Variants in PCDHA4 observed in about 807,000 individuals in gnomAD.
PCDHA4 encodes the protein protocadherin alpha-4.
In PCDHA4, 49 loss-of-function variants were observed where a neutral mutation model predicts 61.4. That is an observed-to-expected ratio of 0.80 (90% CI 0.63 to 1.01). The LOEUF is 1.01. PCDHA4 is among the 50% of genes least tolerant of loss of function. PCDHA4 has a pLI of 0.00. For synonymous variants in PCDHA4, 590 were observed against 550.3 expected (o/e 1.07, Z -1.01); for missense variants, 1,254 against 1,235.8 (o/e 1.01, Z -0.22).
intron 1 of PCDHA4, among the ~76,000 whole-genome samples, chr5:140,919,973 A>T (rs1554199334): frequency 7.5e-6 from 1 of 133,994 alleles, no homozygotes; most frequent in Non-Finnish European, 1.7e-5. Context: ...TAAATAAGAG[A>T]TAGAAGATGG....
chr5:140,979,585 G>T (rs1486792990), intron 2 of PCDHA4, among the ~76,000 whole-genome samples: 1 of 152,156 alleles, frequency 6.6e-6, no homozygotes, highest in Non-Finnish European at 1.5e-5. Context: ...TCCAAATCTA[G>T]CTTACTTTAA....
intron 1 of PCDHA4, chr5:140,869,243 G>T (rs1554162716): frequency 1.9e-6 from 3 of 1,613,544 alleles, no homozygotes; most frequent in Non-Finnish European, 2.5e-6. Context: ...TTCGTGGGCC[G>T]CATCGCGCAG....
intron 1 of PCDHA4, among the ~76,000 whole-genome samples, chr5:140,950,920 T>TTTCTGCTACTTTTAACTG (rs1554219690): frequency 2.6e-5 from 4 of 152,202 alleles, no homozygotes; most frequent in African/African-American, 9.6e-5. Context: ...TTATTTCAGT[T>TTTCTGCTACTTTTAACTG]CTTTTTCTTT....
At chr5:140,939,973 A>G (rs782675791) in intron 1 of PCDHA4, among the ~76,000 whole-genome samples, 4 of 152,234 alleles carry the variant, frequency 2.6e-5, no homozygotes, top group Non-Finnish European at 4.4e-5. Flanking sequence ...TCCACGATGA[A>G]TAGTGAATTG....
At chr5:140,901,485 C>T (rs894282962) in intron 1 of PCDHA4, among the ~76,000 whole-genome samples, 1 of 152,086 alleles carries the variant, frequency 6.6e-6, no homozygotes, top group African/African-American at 2.4e-5. Context: ...GTTCTTGGCA[C>T]CTTCATCGAA....
In PCDHA4 at chr5:140,857,691, T is replaced by A. The variant is rs189067845; in HGVS notation, c.2385+48119T>A. ...GGCGTGCCGCCTCTGGGCAGCAACTTGACGCTGCAGGTGTTCGTGCTGGAC... is the reference window on the plus strand; with the variant it reads ...GGCGTGCCGCCTCTGGGCAGCAACTAGACGCTGCAGGTGTTCGTGCTGGAC... On this transcript the variant is annotated intron_variant, in intron 1 of 3. Coordinates refer to ENST00000530339, the MANE Select transcript of PCDHA4 (RefSeq NM_018907.4). 1.9e-6 allele frequency: 3 copies of A among 1,597,120 alleles called. 1 individual carries two copies. The highest frequency in any genetic ancestry group is 2.6e-6 in the Non-Finnish European group (3 of 1,167,726).
At chr5:140,821,582 C>G (rs2150109914) in intron 1 of PCDHA4, 2 of 622,440 alleles carry the variant, frequency 3.2e-6, no homozygotes, top group East Asian at 2.9e-5. Flanking sequence ...AGGTTTTTCT[C>G]CCTTCCCAGC....
At chr5:140,815,530 T>C (rs1166170881) in intron 1 of PCDHA4, 1 of 102,342 alleles carries the variant, frequency 9.8e-6, no homozygotes, top group Non-Finnish European at 2.0e-5. Context: ...TTATATTGTG[T>C]ATACATTATT....
chr5:140,966,586 TG>T (rs1297938804), intron 1 of PCDHA4: 39 of 548,908 alleles, frequency 7.1e-5, no homozygotes, highest in Non-Finnish European at 1.1e-4. Flanking sequence ...GCGAGGACGG[TG>T]GGGCCAGGAG....
chr5:140,849,830 G>T lies in PCDHA4; in HGVS notation c.2385+40258G>T. The T allele has an allele frequency of 1.3e-6, 2 of 1,598,574 alleles. 1 individual carries two copies. Among genetic ancestry groups the T allele is most frequent in the Admixed American group, 3.4e-5 (2 of 59,342 alleles). On this transcript the variant is annotated intron_variant, in intron 1 of 3. Coordinates refer to ENST00000530339, the MANE Select transcript of PCDHA4 (RefSeq NM_018907.4). ...CCACGGCCAGGGTGTCTGTGGAGGT[G>T]GCCGACGTGAACGACAACGCACCAG...
At chr5:141,006,077 T>C (rs1554260547) in intron 3 of PCDHA4, among the ~76,000 whole-genome samples, 1 of 150,908 alleles carries the variant, frequency 6.6e-6, no homozygotes, top group East Asian at 1.9e-4. Flanking sequence ...ATCAGATTAT[T>C]GAAGGGACTT....
intron 1 of PCDHA4, chr5:140,821,687 T>C: frequency 1.5e-6 from 2 of 1,378,436 alleles, no homozygotes; most frequent in Non-Finnish European, 2.0e-6. Flanking sequence ...GGCGATAATA[T>C]AAAAAATATA....
rs561828077 is a variant in PCDHA4 at position 140,908,632 on chromosome 5, C to T, written c.2386-70317C>T. On this transcript the variant is annotated intron_variant, in intron 1 of 3. Transcript: ENST00000530339. ...TGCTCCAAAATCCTTGAGGTCTCCA[C>T]TGTGATTCACTTATGGGGGCCTGCC... Among the ~76,000 whole-genome samples the T allele has an allele frequency of 9.8e-5, 15 of 152,318 alleles. No individual in the cohort carries two copies. In the East Asian group the frequency reaches 2.9e-3, roughly 29 times the overall value.
chr5:140,891,440 G>T (rs1583052190), intron 1 of PCDHA4, among the ~76,000 whole-genome samples: 1 of 147,558 alleles, frequency 6.8e-6, no homozygotes, highest in Admixed American at 6.9e-5. Flanking sequence ...AACGTCCATT[G>T]TATAGGATTT....
chr5:140,979,797 C>T (rs1253949980), intron 2 of PCDHA4, among the ~76,000 whole-genome samples: 1 of 152,154 alleles, frequency 6.6e-6, no homozygotes, highest in African/African-American at 2.4e-5. Flanking sequence ...AACAAATGAT[C>T]ACAACTATCA....
rs1013042375 is a variant in PCDHA4 at position 140,823,776 on chromosome 5, G to C, written c.2385+14204G>C. The C allele has an allele frequency of 3.1e-6, 5 of 1,613,732 alleles. No homozygotes were observed. The African/African-American group carries it at 6.7e-5, about 22-fold the overall frequency. ...CAGCCACAGCCACAGTGCTGGTGTC[G>C]CTGGTGGAAAGTGGCCAGGCGCCGA... On this transcript the variant is annotated intron_variant, in intron 1 of 3. Coordinates refer to ENST00000530339, the MANE Select transcript of PCDHA4 (RefSeq NM_018907.4).
chr5:140,928,771 A>G lies in PCDHA4; in HGVS notation c.2386-50178A>G, dbSNP rs1554206294. 2 of 1,613,880 alleles carry G rather than the reference A, an allele frequency of 1.2e-6. No individual in the cohort carries two copies. Among genetic ancestry groups the G allele is most frequent in the East Asian group, 2.2e-5 (1 of 44,892 alleles). ...CCGTACTGCTCGCTTAGTTCTTCCC[A>G]CTGATGCAGTTAAGCAGAGGGTGGT... On this transcript the variant is annotated intron_variant, in intron 1 of 3. Coordinates refer to ENST00000530339, the MANE Select transcript of PCDHA4 (RefSeq NM_018907.4).
At position 140,844,439 on chromosome 5, in the gene PCDHA4, C is replaced by T. The variant is rs1554140649; in HGVS notation, c.2385+34867C>T. Among the ~76,000 whole-genome samples, 3 of 149,204 alleles carry T rather than the reference C, an allele frequency of 2.0e-5. 1 individual carries two copies. Among genetic ancestry groups the T allele is most frequent in the African/African-American group, 7.4e-5 (3 of 40,780 alleles). ...TGTTTTTTATTCTACATGATTTTTA[C>T]AGTTGTATTGTCGCCAACTTAACAT... On this transcript the variant is annotated intron_variant, in intron 1 of 3. Coordinates refer to ENST00000530339, the MANE Select transcript of PCDHA4 (RefSeq NM_018907.4).
At chr5:140,882,646 T>C (rs1554175002) in intron 1 of PCDHA4, 1 of 1,614,112 alleles carries the variant, frequency 6.2e-7, no homozygotes, top group South Asian at 1.1e-5. Flanking sequence ...TGAGGGACAT[T>C]AACGACAACC....
Sources: gnomAD v4.1 joint callset for allele counts (sites outside exome capture counted in the v4.1 genomes callset) on GRCh38, gnomAD v4.1.1 for gene constraint, MANE v1.5 for transcripts, NCBI Gene and HGNC (gene_info 2026-07-23, HGNC 2026-07-21) for gene names.